MAPK8: variants seen among roughly 807,000 people sequenced by gnomAD.
The protein encoded by MAPK8 is JUN N-terminal kinase.
MAPK8 carries 13 observed loss-of-function variants against 52.9 expected under a neutral mutation model. That is an observed-to-expected ratio of 0.25 (90% CI 0.16 to 0.39). The LOEUF (loss-of-function observed/expected upper bound fraction) is 0.39, where lower values mean the gene tolerates loss of function less well. MAPK8 is among the 10% of genes least tolerant of loss of function. MAPK8 has a pLI of 1.00. For synonymous variants in MAPK8, 191 were observed against 169.8 expected, an observed-to-expected ratio of 1.12 and a Z score of -0.97; for missense variants, 300 against 519.2, an observed-to-expected ratio of 0.58 and a Z score of 4.10.
chr10:48,375,082 A>G (rs1177851773), intron 1 of MAPK8, among the ~76,000 whole-genome samples: 3 of 152,238 alleles, frequency 2.0e-5, no homozygotes, highest in Admixed American at 2.0e-4. Flanking sequence ...GGCTGGTTCA[A>G]CATATGCAAA....
chr10:48,404,303 T>A (rs936413660), intron 2 of MAPK8, among the ~76,000 whole-genome samples: 1 of 151,792 alleles, frequency 6.6e-6, no homozygotes, highest in African/African-American at 2.4e-5. Flanking sequence ...ACTACAGGTG[T>A]GCACCATCAC....
chr10:48,310,251 T>TA (rs1404206110), intron 1 of MAPK8, among the ~76,000 whole-genome samples: 1 of 152,212 alleles, frequency 6.6e-6, no homozygotes, highest in Non-Finnish European at 1.5e-5. Context: ...AACTTTTTTT[T>TA]ATAGAAGGCT....
In MAPK8 at chr10:48,437,613, T is replaced by C. The variant is rs935736523; in HGVS notation, c.*2584T>C. On this transcript the variant is annotated 3_prime_UTR_variant, in exon 12 of 12. Coordinates refer to ENST00000374189, the MANE Select transcript of MAPK8 (RefSeq NM_001323329.2). ...CTGGCCATTTGTAAAACCATTGTGT[T>C]GTTGGGATCACTTAGTTATACTATA... 1 of 152,206 alleles carries C rather than the reference T, an allele frequency of 6.6e-6. No individual in the cohort carries two copies. Among genetic ancestry groups the C allele is most frequent in the Non-Finnish European group, 1.5e-5 (1 of 68,024 alleles). 9.4% of individuals were successfully genotyped at this position (152,206 alleles called of 1,614,324 possible).
At chr10:48,356,285 C>A (rs1846930896) in intron 1 of MAPK8, among the ~76,000 whole-genome samples, 1 of 152,060 alleles carries the variant, frequency 6.6e-6, no homozygotes, top group African/African-American at 2.4e-5. Context: ...AGTAAAGACA[C>A]ATAACTTTTC....
At chr10:48,339,803 G>A (rs1845065195) in intron 1 of MAPK8, among the ~76,000 whole-genome samples, 1 of 152,150 alleles carries the variant, frequency 6.6e-6, no homozygotes. Flanking sequence ...GTGAAATAAT[G>A]TGCAACATCA....
chr10:48,329,957 C>T (rs116937335), intron 1 of MAPK8, among the ~76,000 whole-genome samples: 1,828 of 152,140 alleles, frequency 0.012, 17 homozygotes, highest in Middle Eastern at 0.017. Context: ...TTTAAACTAA[C>T]GGCAAATATA....
intron 1 of MAPK8, among the ~76,000 whole-genome samples, chr10:48,385,566 T>C (rs2041263842): frequency 6.6e-6 from 1 of 152,158 alleles, no homozygotes; most frequent in South Asian, 2.1e-4. Flanking sequence ...AAATTTTTGT[T>C]TTTAGTTTCT....
intron 1 of MAPK8, among the ~76,000 whole-genome samples, chr10:48,373,225 T>A (rs1008641693): frequency 6.6e-6 from 1 of 152,004 alleles, no homozygotes; most frequent in Non-Finnish European, 1.5e-5. Context: ...TTATAGGAGC[T>A]CCTGAAGGAA....
intron 10 of MAPK8, among the ~76,000 whole-genome samples, chr10:48,428,135 TG>T (rs1324218124): frequency 1.3e-5 from 2 of 152,224 alleles, no homozygotes; most frequent in African/African-American, 4.8e-5. Flanking sequence ...GCCTACAGAA[TG>T]GGTTAATTTT....
At chr10:48,385,731 A>G (rs1236824818) in intron 1 of MAPK8, among the ~76,000 whole-genome samples, 3 of 152,132 alleles carry the variant, frequency 2.0e-5, no homozygotes, top group Non-Finnish European at 4.4e-5. Context: ...TAGCTGGACA[A>G]TTAAACTTTT....
In MAPK8 at chr10:48,367,378, T is replaced by A. The variant is rs1044229566; in HGVS notation, c.-49-34234T>A. On this transcript the variant is annotated intron_variant, in intron 1 of 11. Transcript: ENST00000374189. ...TGAGATCTTGTTTAAAAATTAAAAA[T>A]AAATAAATAAATAAATAAATAAATA... is the stretch of plus-strand genomic sequence containing the variant. 4.8e-5 allele frequency among the ~76,000 whole-genome samples: 6 copies of A among 124,966 alleles called. No individual in the cohort carries two copies. The East Asian group carries it at 5.9e-4, about 12-fold the overall frequency. 82.0% of individuals were successfully genotyped at this position (124,966 alleles called of 152,430 possible).
In MAPK8 at chr10:48,438,421, G is replaced by T. The variant is rs559533583; in HGVS notation, c.*3392G>T. 6.6e-6 allele frequency: 1 copy of T among 152,314 alleles called. No individual in the cohort carries two copies. The highest frequency in any genetic ancestry group is 1.9e-4 in the East Asian group (1 of 5,196). The allele number at this position is 152,314 out of a possible 1,614,324, so 9.4% of individuals were successfully genotyped here. ...AGTTTGGGGTACGATTAGAAAACTCGTAAGGAAAACAGAAGTCCTAATTTC... is the reference window on the plus strand; with the variant it reads ...AGTTTGGGGTACGATTAGAAAACTCTTAAGGAAAACAGAAGTCCTAATTTC... On this transcript the variant is annotated 3_prime_UTR_variant, in exon 12 of 12. Coordinates refer to ENST00000374189, the MANE Select transcript of MAPK8 (RefSeq NM_001323329.2).
At chr10:48,318,645 C>G (rs1275961924) in intron 1 of MAPK8, among the ~76,000 whole-genome samples, 1 of 152,076 alleles carries the variant, frequency 6.6e-6, no homozygotes, top group Non-Finnish European at 1.5e-5. Flanking sequence ...AGGTGGAATT[C>G]AGAGACAAAT....
intron 1 of MAPK8, among the ~76,000 whole-genome samples, chr10:48,343,240 A>AG (rs1436070340): frequency 6.6e-6 from 1 of 152,192 alleles, no homozygotes; most frequent in East Asian, 1.9e-4. Flanking sequence ...CAGAGTCTCC[A>AG]GGGGAGAATC....
chr10:48,424,297 T>C (rs1032555249), intron 7 of MAPK8, 138 bp downstream of exon 7: 4 of 833,364 alleles, frequency 4.8e-6, no homozygotes, highest in Admixed American at 5.7e-5. Flanking sequence ...AGTTCAAAAA[T>C]TGTTGAGATA....
chr10:48,360,957 A>T (rs1317074543), intron 1 of MAPK8, among the ~76,000 whole-genome samples: 2 of 152,206 alleles, frequency 1.3e-5, no homozygotes, highest in African/African-American at 2.4e-5. Context: ...TATATACAGA[A>T]TACACTTTGT....
At chr10:48,337,465 G>C (rs1448007480) in intron 1 of MAPK8, among the ~76,000 whole-genome samples, 2 of 151,804 alleles carry the variant, frequency 1.3e-5, no homozygotes, top group Admixed American at 1.3e-4. Flanking sequence ...ATAGAGTTAA[G>C]AGGAAAATTT....
rs927027286 is a variant in MAPK8 at position 48,437,584 on chromosome 10, T to C, written c.*2555T>C. On this transcript the variant is annotated 3_prime_UTR_variant, in exon 12 of 12. Coordinates refer to ENST00000374189, the MANE Select transcript of MAPK8 (RefSeq NM_001323329.2). ...GGTTACTATTCTCTTCCCTCTAATATATACTGGCCATTTGTAAAACCATTG... is the reference window on the plus strand; with the variant it reads ...GGTTACTATTCTCTTCCCTCTAATACATACTGGCCATTTGTAAAACCATTG... The C allele has an allele frequency of 2.6e-5, 4 of 152,208 alleles. No homozygotes were observed. The highest frequency in any genetic ancestry group is 5.9e-5 in the Non-Finnish European group (4 of 68,028). The allele number at this position is 152,208 out of a possible 1,614,324, so 9.4% of individuals were successfully genotyped here.
chr10:48,390,207 C>T (rs2041545292), intron 1 of MAPK8, among the ~76,000 whole-genome samples: 1 of 152,174 alleles, frequency 6.6e-6, no homozygotes, highest in East Asian at 1.9e-4. Context: ...AGGGCTTCTA[C>T]TGATTGAATG....
Sources: gnomAD v4.1 joint callset for allele counts (sites outside exome capture counted in the v4.1 genomes callset) on GRCh38, gnomAD v4.1.1 for gene constraint, MANE v1.5 for transcripts, NCBI Gene and HGNC (gene_info 2026-07-23, HGNC 2026-07-21) for gene names.